SENP6: variants seen among roughly 807,000 people sequenced by gnomAD.
SENP6 encodes the protein SUMO specific peptidase 6, also known as sentrin-specific protease 6.
SENP6 carries 41 observed loss-of-function variants against 134.5 expected under a neutral mutation model. The ratio of observed to expected loss-of-function variants is 0.30; its 90% CI spans 0.24 to 0.40. SENP6 has a LOEUF of 0.40. Among genes scored for constraint, SENP6 ranks in the 10% least tolerant of loss-of-function variants. The pLI is 1.00. For synonymous variants in SENP6, 395 were observed against 429.8 expected (o/e 0.92, Z 1.00); for missense variants, 1,248 against 1,312.5 (o/e 0.95, Z 0.76).
chr6:75,709,482 A>T (rs1775622814), intron 19 of SENP6, 45 bp from the exon 20 acceptor site: 1 of 1,337,416 alleles, frequency 7.5e-7, no homozygotes, highest in African/African-American at 1.4e-5. Context: ...ACTATGAGTG[A>T]TAGACATGGC....
At chr6:75,633,528 AGATT>A in intron 3 of SENP6, 49 bp from the exon 4 acceptor site, 1 of 1,443,652 alleles carries the variant, frequency 6.9e-7, no homozygotes, top group Non-Finnish European at 9.4e-7. Context: ...AGTTGTTGAT[AGATT>A]GTCACATTAT....
At position 75,606,446 on chromosome 6, in the gene SENP6, T is replaced by G. The variant is rs1222659754; in HGVS notation, c.52+3870T>G. ...CTGTATTTATTCAGTCAACAGATACTTATTGAACACCTACTATGTTGTAGG... is the reference window on the plus strand; with the variant it reads ...CTGTATTTATTCAGTCAACAGATACGTATTGAACACCTACTATGTTGTAGG... On this transcript the variant is annotated intron_variant, in intron 1 of 23. Transcript: ENST00000447266. Among the ~76,000 whole-genome samples the G allele has an allele frequency of 2.0e-5, 3 of 152,340 alleles. No homozygotes were observed. In the East Asian group the frequency reaches 5.8e-4, roughly 29 times the overall value.
chr6:75,661,230 C>A (rs114636240), intron 8 of SENP6, among the ~76,000 whole-genome samples: 2 of 152,212 alleles, frequency 1.3e-5, no homozygotes, highest in Non-Finnish European at 2.9e-5. Flanking sequence ...TAACTCCCTT[C>A]TCCAGAGGTA....
chr6:75,657,112 G>T (rs1175556476), intron 7 of SENP6, among the ~76,000 whole-genome samples: 1 of 152,188 alleles, frequency 6.6e-6, no homozygotes, highest in Admixed American at 6.5e-5. Flanking sequence ...AAAGATTAAT[G>T]AAGTATGTTT....
At chr6:75,680,485 AT>A (rs1175408491) in intron 16 of SENP6, among the ~76,000 whole-genome samples, 14 of 152,298 alleles carry the variant, frequency 9.2e-5, no homozygotes, top group Admixed American at 7.2e-4. Flanking sequence ...GATCCTGGAG[AT>A]TACATTTTAA....
intron 5 of SENP6, among the ~76,000 whole-genome samples, chr6:75,638,146 G>A (rs936402124): frequency 6.6e-6 from 1 of 151,920 alleles, no homozygotes; most frequent in African/African-American, 2.4e-5. Flanking sequence ...ACAGGCTTGT[G>A]CCACCACACC....
At chr6:75,678,353 T>C in intron 14 of SENP6, 1 of 391,134 alleles carries the variant, frequency 2.6e-6, no homozygotes, top group Non-Finnish European at 4.5e-6. Flanking sequence ...TACTGGAAAA[T>C]TACTGTTACA....
chr6:75,634,672 G>A (rs756366043), intron 4 of SENP6, 35 bp from the exon 5 acceptor site: 24 of 1,196,792 alleles, frequency 2.0e-5, no homozygotes, highest in South Asian at 4.2e-5. Context: ...TAATTTTTCC[G>A]TGTTCAAGTT....
chr6:75,663,073 T>TC (rs1771905535), intron 8 of SENP6, 148 bp from the exon 9 acceptor site: 4 of 655,918 alleles, frequency 6.1e-6, no homozygotes, highest in Non-Finnish European at 1.0e-5. Context: ...TTGAGGGGAT[T>TC]CCTTAATGAT....
At chr6:75,697,648 GT>G (rs1774747603) in intron 18 of SENP6, 131 bp downstream of exon 18, 1 of 617,304 alleles carries the variant, frequency 1.6e-6, no homozygotes, top group East Asian at 2.8e-5. Flanking sequence ...ATTCATATTT[GT>G]ACTGCCTGTT....
At chr6:75,659,491 T>C (rs1771612398) in intron 8 of SENP6, 84 bp downstream of exon 8, 3 of 1,284,654 alleles carry the variant, frequency 2.3e-6, no homozygotes, top group Non-Finnish European at 3.3e-6. Context: ...TTCTAGGTGA[T>C]CTTTTATCAT....
rs765256572 is a variant in SENP6 at position 75,678,578 on chromosome 6, A to G, written c.1849-5A>G. The G allele has an allele frequency of 2.2e-6, 3 of 1,334,958 alleles. No individual in the cohort carries two copies. Among genetic ancestry groups the G allele is most frequent in the African/African-American group, 2.9e-5 (2 of 67,952 alleles). The allele number at this position is 1,334,958 out of a possible 1,614,324, so 82.7% of individuals were successfully genotyped here. A position where few individuals can be genotyped will look rare whatever the true frequency, so the allele number is the denominator to read the frequency against. ...GTAAATTGCTAATTTAATTTCCTTT[A>G]CCAGGTATCATTTGAATCTAAAATA... On this transcript the variant is annotated splice_region_variant and splice_polypyrimidine_tract_variant and intron_variant, in intron 14 of 23. Coordinates refer to ENST00000447266, the MANE Select transcript of SENP6 (RefSeq NM_015571.4).
chr6:75,605,929 T>G (rs540963120), intron 1 of SENP6, among the ~76,000 whole-genome samples: 170 of 152,250 alleles, frequency 1.1e-3, no homozygotes, highest in Non-Finnish European at 2.0e-3. Flanking sequence ...CAGTGGAGAC[T>G]GGGGAAGAGA....
At chr6:75,626,389 T>A (rs913952134) in intron 3 of SENP6, among the ~76,000 whole-genome samples, 1 of 152,056 alleles carries the variant, frequency 6.6e-6, no homozygotes. Flanking sequence ...GGAAAAACTA[T>A]ACACACTGTT....
chr6:75,711,206 T>TA (rs1440692062), intron 20 of SENP6, 122 bp from the exon 21 acceptor site: 2 of 627,470 alleles, frequency 3.2e-6, no homozygotes, highest in African/African-American at 3.7e-5. Context: ...TCTAATCACC[T>TA]AAATAGAGAA....
At chr6:75,664,413 T>C (rs767124328) in intron 9 of SENP6, among the ~76,000 whole-genome samples, 24 of 152,172 alleles carry the variant, frequency 1.6e-4, no homozygotes, top group Non-Finnish European at 3.1e-4. Flanking sequence ...TATATATATA[T>C]ACATCTATAT....
At chr6:75,643,133 CAG>C (rs1770155988) in intron 6 of SENP6, among the ~76,000 whole-genome samples, 1 of 151,552 alleles carries the variant, frequency 6.6e-6, no homozygotes, top group Admixed American at 6.6e-5. Context: ...GTTGTGCAAA[CAG>C]TGTTGTATAA....
chr6:75,682,967 TGAG>T (rs1158152915), intron 16 of SENP6, among the ~76,000 whole-genome samples: 1 of 152,210 alleles, frequency 6.6e-6, no homozygotes, highest in Non-Finnish European at 1.5e-5. Flanking sequence ...TCTAGATCCT[TGAG>T]GAATCGCCAC....
At chr6:75,650,378 T>G (rs1770776314) in intron 7 of SENP6, among the ~76,000 whole-genome samples, 1 of 152,024 alleles carries the variant, frequency 6.6e-6, no homozygotes. Flanking sequence ...ACTCTGAAAC[T>G]GTGCAAATAC....
Sources: gnomAD v4.1 joint callset for allele counts (sites outside exome capture counted in the v4.1 genomes callset) on GRCh38, gnomAD v4.1.1 for gene constraint, MANE v1.5 for transcripts, NCBI Gene and HGNC (gene_info 2026-07-23, HGNC 2026-07-21) for gene names.